The following ADGRA3 variants were observed in gnomAD, a reference collection of about 807,000 sequenced individuals.
ADGRA3 encodes adhesion G protein-coupled receptor A3.
Under a neutral mutation model 119.8 loss-of-function variants are expected in ADGRA3, and 56 were observed. The observed-to-expected ratio is 0.47, with a 90% CI of 0.38 to 0.58. The LOEUF is 0.58. Ranked by LOEUF, ADGRA3 falls within the 20% of genes least tolerant of loss-of-function variation. The pLI, the probability that ADGRA3 is intolerant of heterozygous loss-of-function variation, is 0.00. For synonymous variants in ADGRA3, 607 were observed against 623.8 expected, an observed-to-expected ratio of 0.97 and a Z score of 0.40; for missense variants, 1,516 against 1,649.0, an observed-to-expected ratio of 0.92 and a Z score of 1.40.
At chr4:22,391,317 C>G (rs58269936) in intron 17 of ADGRA3, among the ~76,000 whole-genome samples, 1 of 151,942 alleles carries the variant, frequency 6.6e-6, no homozygotes, top group Non-Finnish European at 1.5e-5. Context: ...ATGTCTCCCC[C>G]GCCCACCTGC....
chr4:22,388,358 T>C lies in ADGRA3; in HGVS notation c.3313A>G (p.Ser1105Gly), dbSNP rs557122010. ...CAGCCCTGGGAGGAATTTTTGAAGC[T>C]TGAAGCACTTTTGTTTGTGCATGAA... ...ESSCTNKSAS[S>G]FKNSSQGCKL... The change falls in exon 19 of 19, where the codon AGC becomes GGC. Residue 1105 changes from serine (S) to glycine (G), a missense_variant. This residue lies in a region of ADGRA3 where 1,088 missense variants were observed against 1,107.1 expected (regional missense o/e 0.98). Coordinates refer to ENST00000334304, the MANE Select transcript of ADGRA3 (RefSeq NM_145290.4). 1.9e-6 allele frequency: 3 copies of C among 1,614,086 alleles called. No individual in the cohort carries two copies. Among genetic ancestry groups the C allele is most frequent in the Non-Finnish European group, 2.5e-6 (3 of 1,180,012 alleles).
intron 12 of ADGRA3, chr4:22,414,460 T>C: frequency 2.2e-6 from 1 of 454,632 alleles, no homozygotes; most frequent in Non-Finnish European, 3.9e-6. Context: ...TAACAAATTA[T>C]TCAGCATTCA....
chr4:22,389,017 C>G (rs747804147), intron 18 of ADGRA3, 70 bp from the exon 19 acceptor site: 153 of 1,596,934 alleles, frequency 9.6e-5, no homozygotes, highest in Admixed American at 1.2e-4. Context: ...ATTGCAATCA[C>G]CTGTAATGCC....
chr4:22,463,008 G>A (rs969505392), intron 2 of ADGRA3, among the ~76,000 whole-genome samples: 3 of 152,092 alleles, frequency 2.0e-5, no homozygotes, highest in Admixed American at 6.5e-5. Flanking sequence ...CCACACTTCC[G>A]CTTTATGGGA....
chr4:22,392,423 C>G, intron 17 of ADGRA3, 122 bp downstream of exon 17: 2 of 1,116,718 alleles, frequency 1.8e-6, no homozygotes, highest in African/African-American at 3.1e-5. Context: ...CAAAACCAGG[C>G]AGTCCTGCAT....
At chr4:22,394,342 G>A (rs1242860330) in intron 16 of ADGRA3, 1 of 152,190 alleles carries the variant, frequency 6.6e-6, no homozygotes, top group Non-Finnish European at 1.5e-5. Context: ...TGGCTCTGAG[G>A]TGCTGGGAGG....
At chr4:22,495,423 T>A (rs887206988) in intron 1 of ADGRA3, among the ~76,000 whole-genome samples, 1 of 152,024 alleles carries the variant, frequency 6.6e-6, no homozygotes, top group Non-Finnish European at 1.5e-5. Context: ...GTAAAACTTA[T>A]GAACTATTTA....
chr4:22,431,696 C>A (rs985517024), intron 10 of ADGRA3, among the ~76,000 whole-genome samples: 10 of 152,268 alleles, frequency 6.6e-5, no homozygotes, highest in East Asian at 1.9e-4. Flanking sequence ...GTCAATTAAA[C>A]CTCTTTCCTT....
rs1303415611 is a variant in ADGRA3, at chr4:22,388,158, G to T, written c.3513C>A (p.His1171Gln). The change falls in exon 19 of 19, where the codon CAC (histidine) becomes CAA (glutamine). Residue 1171 changes from histidine to glutamine, a missense_variant. Physicochemically the swap from His to Gln is conservative, Grantham distance 24 (BLOSUM62 0). Around this residue, in one of 2 missense-constraint regions of ADGRA3, gnomAD observed 1,088 missense variants for 1,107.1 expected, o/e 0.98. Transcript: ENST00000334304. Reference sequence around the variant, plus strand: ...GGTGTCCTTTACTTCTGTTTTTATGGTGGCGGCTTGAGTGCACATTTGTTC... The same window carrying T: ...GGTGTCCTTTACTTCTGTTTTTATGTTGGCGGCTTGAGTGCACATTTGTTC... ...QFRTNVHSSR[H>Q]HKNRSKGHRA... 2 of 1,614,010 alleles carry T rather than the reference G, an allele frequency of 1.2e-6. No individual in the cohort carries two copies. Among genetic ancestry groups the T allele is most frequent in the Admixed American group, 3.3e-5 (2 of 60,008 alleles).
chr4:22,486,587 C>T (rs1345569437), intron 1 of ADGRA3, among the ~76,000 whole-genome samples: 2 of 152,142 alleles, frequency 1.3e-5, no homozygotes, highest in Non-Finnish European at 2.9e-5. Flanking sequence ...TCCAACAACT[C>T]AAAGAAAGGG....
chr4:22,403,153 A>G (rs1468599997), intron 14 of ADGRA3, among the ~76,000 whole-genome samples: 1 of 151,974 alleles, frequency 6.6e-6, no homozygotes, highest in Non-Finnish European at 1.5e-5. Flanking sequence ...CCCAGTTATC[A>G]CTCTGCATAA....
intron 1 of ADGRA3, among the ~76,000 whole-genome samples, chr4:22,475,755 A>C (rs1718021457): frequency 6.6e-6 from 1 of 152,126 alleles, no homozygotes; most frequent in South Asian, 2.1e-4. Flanking sequence ...ATAAAAAAAA[A>C]AGAATGACAC....
intron 6 of ADGRA3, among the ~76,000 whole-genome samples, chr4:22,443,651 C>T (rs1371149635): frequency 1.3e-5 from 2 of 151,978 alleles, no homozygotes; most frequent in East Asian, 1.9e-4. Context: ...AATTGATATG[C>T]ATCTATTTTA....
chr4:22,477,313 T>C (rs1375237321), intron 1 of ADGRA3, among the ~76,000 whole-genome samples: 1 of 152,212 alleles, frequency 6.6e-6, no homozygotes, highest in Non-Finnish European at 1.5e-5. Context: ...ATGATTCAGT[T>C]TGTGTGACAG....
At chr4:22,501,607 C>T (rs1264903868) in intron 1 of ADGRA3, among the ~76,000 whole-genome samples, 1 of 152,026 alleles carries the variant, frequency 6.6e-6, no homozygotes, top group Non-Finnish European at 1.5e-5. Flanking sequence ...GGGGACTCCC[C>T]ACGTTTCCTT....
At chr4:22,511,839 C>G (rs1719456730) in intron 1 of ADGRA3, among the ~76,000 whole-genome samples, 1 of 151,508 alleles carries the variant, frequency 6.6e-6, no homozygotes, top group South Asian at 2.1e-4. Flanking sequence ...TCCAACCTAT[C>G]ATTTCCTCCC....
At chr4:22,456,740 T>G (rs762048304) in intron 3 of ADGRA3, among the ~76,000 whole-genome samples, 2 of 152,128 alleles carry the variant, frequency 1.3e-5, no homozygotes, top group African/African-American at 2.4e-5. Flanking sequence ...CTCTCATACA[T>G]CCTACTGGTC....
At chr4:22,436,174 G>A (rs1716383312) in intron 9 of ADGRA3, among the ~76,000 whole-genome samples, 1 of 151,984 alleles carries the variant, frequency 6.6e-6, no homozygotes, top group African/African-American at 2.4e-5. Flanking sequence ...GGATGGTTAG[G>A]ATTCTGTCTG....
At chr4:22,412,707 T>G (rs1700415870) in intron 14 of ADGRA3, among the ~76,000 whole-genome samples, 1 of 152,200 alleles carries the variant, frequency 6.6e-6, no homozygotes, top group African/African-American at 2.4e-5. Flanking sequence ...GTCAATACTG[T>G]CACTTGCAAT....
Sources: allele counts gnomAD v4.1 joint callset (sites outside exome capture counted in the v4.1 genomes callset), GRCh38; gene constraint gnomAD v4.1.1; regional missense constraint gnomAD v4.1.1; transcripts MANE v1.5; gene names NCBI Gene and HGNC (gene_info 2026-07-23, HGNC 2026-07-21).